GIMAP8: variants seen among roughly 807,000 people sequenced by gnomAD.
The protein encoded by GIMAP8 is GTPase, IMAP family member 8.
GIMAP8 carries 29 observed loss-of-function variants against 35.6 expected under a neutral mutation model. The ratio of observed to expected loss-of-function variants is 0.81; its 90% confidence interval spans 0.61 to 1.11. GIMAP8 has a LOEUF of 1.11. Among genes scored for constraint, GIMAP8 ranks in the 50% most tolerant of loss-of-function variants. The pLI, the probability that GIMAP8 is intolerant of heterozygous loss-of-function variation, is 0.00. For missense variants in GIMAP8, 811 were observed against 805.0 expected (o/e 1.01, Z -0.09); for synonymous variants, 335 against 308.7 (o/e 1.09, Z -0.89).
At position 150,466,948 on chromosome 7, in the gene GIMAP8, C is replaced by G; in HGVS notation, c.250C>G (p.Gln84Glu). Residue 84 changes from glutamine (Q) to glutamate (E), a missense_variant, in exon 2 of 5, where the codon CAA becomes GAA. Physicochemically the swap from Gln to Glu is conservative, Grantham distance 29. Coordinates refer to ENST00000307271, the MANE Select transcript of GIMAP8 (RefSeq NM_175571.4). ...TGCTGAAGACAAGCAACGCAACATCCAACACTGCTTGGAGCTCTCTGCTCC... is the reference window on the plus strand; with the variant it reads ...TGCTGAAGACAAGCAACGCAACATCGAACACTGCTTGGAGCTCTCTGCTCC... ...ACAEDKQRNI[Q>E]HCLELSAPSL... The G allele has an allele frequency of 6.2e-7, 1 of 1,614,208 alleles. No homozygotes were observed.
chr7:150,478,073 C>A lies in GIMAP8; in HGVS notation c.*293C>A. On this transcript the variant is annotated 3_prime_UTR_variant, in exon 5 of 5. Coordinates refer to ENST00000307271, the MANE Select transcript of GIMAP8 (RefSeq NM_175571.4). ...TAGAATCAAGTCACAAGAATCACCT[C>A]ACTTGTGTAGGTAGGTTGGAATCAG... is the stretch of plus-strand genomic sequence containing the variant. 2.3e-6 allele frequency: 1 copy of A among 426,638 alleles called. No homozygotes were observed. Among genetic ancestry groups the A allele is most frequent in the South Asian group, 3.1e-5 (1 of 31,958 alleles). The allele number at this position is 426,638 out of a possible 1,614,324, so 26.4% of individuals were successfully genotyped here. A position where few individuals can be genotyped will look rare whatever the true frequency, so the allele number is the denominator to read the frequency against.
intron 4 of GIMAP8, among the ~76,000 whole-genome samples, chr7:150,475,598 C>T (rs1181535043): frequency 6.6e-6 from 1 of 152,204 alleles, no homozygotes; most frequent in East Asian, 1.9e-4. Context: ...GCTACACGTT[C>T]AGTTGACCTA....
intron 1 of GIMAP8, among the ~76,000 whole-genome samples, chr7:150,458,486 C>T (rs1231891912): frequency 2.0e-5 from 3 of 152,190 alleles, no homozygotes; most frequent in Non-Finnish European, 4.4e-5. Flanking sequence ...TATCGCAAAA[C>T]ACCCTCACAG....
intron 2 of GIMAP8, among the ~76,000 whole-genome samples, chr7:150,469,656 TTAAC>T (rs1585117726): frequency 6.6e-6 from 1 of 152,218 alleles, no homozygotes; most frequent in East Asian, 1.9e-4. Context: ...ATTAAGAACT[TTAAC>T]AGCCCAGAGA....
intron 2 of GIMAP8, among the ~76,000 whole-genome samples, chr7:150,468,642 G>A (rs891209172): frequency 6.6e-6 from 1 of 152,192 alleles, no homozygotes; most frequent in Admixed American, 6.5e-5. Context: ...GTCTCCATAT[G>A]TTCATGTATG....
chr7:150,467,130 G>A lies in GIMAP8; in HGVS notation c.432G>A (p.Leu144=), dbSNP rs752172592. 14 of 1,614,138 alleles carry A rather than the reference G, an allele frequency of 8.7e-6. No individual in the cohort carries two copies. The highest frequency in any genetic ancestry group is 6.7e-5 in the Admixed American group (4 of 60,022). The change falls in exon 2 of 5, where the codon CTG becomes CTA. Residue 144 remains leucine, a synonymous_variant. Transcript: ENST00000307271. ...AGGATGATTTGGGGGATGACTTGCT[G>A]CAAGATTTCATTGAAAAAAACAAAC... ...TRKDDLGDDL[L]QDFIEKNKPL... is the part of the protein sequence containing the mutation.
intron 1 of GIMAP8, among the ~76,000 whole-genome samples, chr7:150,465,839 T>C (rs1801945051): frequency 6.6e-6 from 1 of 152,252 alleles, no homozygotes. Flanking sequence ...TTAGGTAATA[T>C]GTGGAAACTT....
chr7:150,463,053 T>G (rs1359132476), intron 1 of GIMAP8, among the ~76,000 whole-genome samples: 1 of 152,150 alleles, frequency 6.6e-6, no homozygotes, highest in Non-Finnish European at 1.5e-5. Flanking sequence ...TTATCCAGAC[T>G]GAATTATTTT....
rs1253596653 is a variant in GIMAP8, at chr7:150,474,322, A to G, written c.993A>G (p.Thr331=). 6 of 1,614,166 alleles carry G rather than the reference A, an allele frequency of 3.7e-6. No individual in the cohort carries two copies. The African/African-American group carries it at 5.3e-5, about 14-fold the overall frequency. ...GCCCCCATGCCTTCCTGCTGGTGAC[A>G]CCACTGGGCTTTTACACTAAGAATG... The part of the protein sequence containing the change: ...CTGPHAFLLV[T]PLGFYTKNDE... The change falls in exon 4 of 5, where the codon ACA becomes ACG. Residue 331 remains threonine, a synonymous_variant. Coordinates refer to ENST00000307271, the MANE Select transcript of GIMAP8 (RefSeq NM_175571.4).
intron 2 of GIMAP8, among the ~76,000 whole-genome samples, chr7:150,467,829 C>T (rs1802004572): frequency 6.6e-6 from 1 of 152,188 alleles, no homozygotes; most frequent in Non-Finnish European, 1.5e-5. Context: ...TCATCTACTA[C>T]TAACGGTTTT....
intron 4 of GIMAP8, among the ~76,000 whole-genome samples, chr7:150,476,337 G>C (rs915963242): frequency 5.3e-5 from 8 of 152,216 alleles, no homozygotes; most frequent in African/African-American, 1.9e-4. Flanking sequence ...GCATAAGAAC[G>C]ATCTCCAAAG....
chr7:150,469,576 G>A (rs1298350177), intron 2 of GIMAP8, among the ~76,000 whole-genome samples: 2 of 152,172 alleles, frequency 1.3e-5, no homozygotes, highest in Non-Finnish European at 2.9e-5. Flanking sequence ...TTGAAACTTG[G>A]TAGGTGTTCA....
intron 1 of GIMAP8, among the ~76,000 whole-genome samples, chr7:150,456,073 C>T (rs1057112416): frequency 6.6e-6 from 1 of 152,128 alleles, no homozygotes; most frequent in African/African-American, 2.4e-5. Context: ...GTCTCTATCA[C>T]CAAGGAAATA....
chr7:150,461,739 T>C (rs1000486799), intron 1 of GIMAP8, among the ~76,000 whole-genome samples: 2 of 152,242 alleles, frequency 1.3e-5, no homozygotes, highest in Admixed American at 1.3e-4. Context: ...ATGAACTTAC[T>C]CCTGTCATTG....
Position 150,474,199 on chromosome 7 carries a change from C to T in GIMAP8, c.870C>T (p.Ser290=). Residue 290 remains serine, a synonymous_variant, in exon 4 of 5, where the codon AGC becomes AGT. Coordinates refer to ENST00000307271, the MANE Select transcript of GIMAP8 (RefSeq NM_175571.4). ...TAACCCAGAGCTTCTTGTCTGAGAG[C>T]AGAAGCTGGAGAAAAAAGAAAGTTT... ...QSVTQSFLSE[S]RSWRKKKVSI... 2 of 1,613,998 alleles carry T rather than the reference C, an allele frequency of 1.2e-6. No individual in the cohort carries two copies. The highest frequency in any genetic ancestry group is 1.7e-6 in the Non-Finnish European group (2 of 1,179,880).
At chr7:150,473,520 T>C (rs900142706) in intron 3 of GIMAP8, among the ~76,000 whole-genome samples, 1 of 145,134 alleles carries the variant, frequency 6.9e-6, no homozygotes, top group Admixed American at 6.9e-5. Flanking sequence ...GCAGTTTTTG[T>C]GTCCTGCTTC....
chr7:150,459,907 AAG>A (rs1409046047), intron 1 of GIMAP8, among the ~76,000 whole-genome samples: 3 of 152,236 alleles, frequency 2.0e-5, no homozygotes, highest in Non-Finnish European at 4.4e-5. Flanking sequence ...TATTCAGAGT[AAG>A]TGTCTATTTT....
chr7:150,473,908 T>C, intron 3 of GIMAP8, 104 bp from the exon 4 acceptor site: 2 of 1,200,060 alleles, frequency 1.7e-6, no homozygotes, highest in Non-Finnish European at 2.4e-6. Flanking sequence ...ACCGTGTTGT[T>C]GCCATTCTCT....
At position 150,474,145 on chromosome 7, in the gene GIMAP8, C is replaced by T. The variant is rs377649074; in HGVS notation, c.816C>T (p.Ala272=). ...AAGNSILGRQ[A]FQTGFSEQSV... ...GAAACAGCATTCTGGGGAGGCAGGC[C>T]TTTCAGACCGGATTTAGTGAGCAGT... The change falls in exon 4 of 5, where the codon GCC becomes GCT. Residue 272 remains alanine, a synonymous_variant. Coordinates refer to ENST00000307271, the MANE Select transcript of GIMAP8 (RefSeq NM_175571.4). 55 of 1,614,204 alleles carry T rather than the reference C, an allele frequency of 3.4e-5. 1 individual carries two copies. In the Middle Eastern group the frequency reaches 4.9e-4, roughly 15 times the overall value.
Sources: allele counts gnomAD v4.1 joint callset (sites outside exome capture counted in the v4.1 genomes callset), GRCh38; gene constraint gnomAD v4.1.1; transcripts MANE v1.5; gene names NCBI Gene and HGNC (gene_info 2026-07-23, HGNC 2026-07-21).